TUBGCP2: variants seen among roughly 807,000 people sequenced by gnomAD.
TUBGCP2 encodes gamma-tubulin complex component 2.
Under a neutral mutation model 92.2 loss-of-function variants are expected in TUBGCP2, and 55 were observed. The ratio of observed to expected loss-of-function variants is 0.60; its 90% CI spans 0.48 to 0.75. The LOEUF is 0.75. Among genes scored for constraint, TUBGCP2 ranks in the 30% least tolerant of loss-of-function variants. The pLI, the probability that TUBGCP2 is intolerant of heterozygous loss-of-function variation, is 0.00. For synonymous variants in TUBGCP2, 533 were observed against 505.2 expected (o/e 1.06, Z -0.74); for missense variants, 1,093 against 1,188.9 (o/e 0.92, Z 1.19).
chr10:133,311,670 C>T (rs1341072321), upstream of TUBGCP2: 4 of 1,505,632 alleles, frequency 2.7e-6, no homozygotes, highest in Non-Finnish European at 3.7e-6. Flanking sequence ...AACACAGGGG[C>T]TGTGGGAGCC....
Position 133,300,133 on chromosome 10 carries a change from G to A in TUBGCP2, c.151-20C>T, listed in dbSNP as rs756158281. The A allele has an allele frequency of 2.5e-6, 4 of 1,606,748 alleles. No homozygotes were observed. Among genetic ancestry groups the A allele is most frequent in the Non-Finnish European group, 3.4e-6 (4 of 1,176,036 alleles). On this transcript the variant is annotated intron_variant, in intron 2 of 17. Coordinates refer to ENST00000252936, the MANE Select transcript of TUBGCP2 (RefSeq NM_006659.4). ...TTTAACCTCAAAAGCACAAACATGA[G>A]TGATTTAATGACGGTAATTAATAAA...
At chr10:133,300,993 GC>G (rs1245853867) in intron 2 of TUBGCP2, among the ~76,000 whole-genome samples, 3 of 152,228 alleles carry the variant, frequency 2.0e-5, no homozygotes, top group African/African-American at 4.8e-5. Flanking sequence ...CTGGAGAGTA[GC>G]GACTTACCTT....
At chr10:133,297,769 G>C (rs1847523944) in intron 5 of TUBGCP2, among the ~76,000 whole-genome samples, 183 bp downstream of exon 5, 1 of 152,270 alleles carries the variant, frequency 6.6e-6, no homozygotes, top group Non-Finnish European at 1.5e-5. Flanking sequence ...GGAATATGGA[G>C]GCGGCAGCCA....
intron 2 of TUBGCP2, 27 bp downstream of exon 2, chr10:133,302,765 C>A: frequency 6.2e-7 from 1 of 1,611,710 alleles, no homozygotes; most frequent in Non-Finnish European, 8.5e-7. Flanking sequence ...TCACCCTGCA[C>A]AGCGCTACAC....
At chr10:133,311,027 C>T (rs1436489460), upstream of TUBGCP2, among the ~76,000 whole-genome samples, 1 of 152,196 alleles carries the variant, frequency 6.6e-6, no homozygotes, top group Admixed American at 6.5e-5. Flanking sequence ...GTCGTGAACT[C>T]CTGGGCTCAA....
chr10:133,297,828 C>T, intron 5 of TUBGCP2, 124 bp downstream of exon 5: 2 of 1,436,492 alleles, frequency 1.4e-6, no homozygotes, highest in Non-Finnish European at 1.9e-6. Flanking sequence ...CGGGGGAGGG[C>T]TGGGCCTGCA....
rs906993975 is a variant in TUBGCP2 at position 133,308,846 on chromosome 10, C to T, written c.-63G>A. 112 of 1,079,744 alleles carry T rather than the reference C, an allele frequency of 1.0e-4. No individual in the cohort carries two copies. The highest frequency in any genetic ancestry group is 2.3e-6 in the Non-Finnish European group (2 of 860,470). The allele number at this position is 1,079,744 out of a possible 1,614,324, so 66.9% of individuals were successfully genotyped here. A position where few individuals can be genotyped will look rare whatever the true frequency, so the allele number is the denominator to read the frequency against. ...ACCGCAGTCCCGGAGCCACAGCCCC[C>T]GCGCAGCCCCCGACGGCGGCGGAAG... On this transcript the variant is annotated 5_prime_UTR_variant, in exon 1 of 18. Transcript: ENST00000252936.
chr10:133,290,170 C>T, intron 8 of TUBGCP2: 1 of 679,570 alleles, frequency 1.5e-6, no homozygotes, highest in Admixed American at 3.0e-5. Context: ...CACGGTGGCT[C>T]ACGCCTGTAA....
rs1219702392 is a variant in TUBGCP2 at position 133,285,927 on chromosome 10, C to T, written c.1723-299G>A. Among the ~76,000 whole-genome samples, 1 of 152,074 alleles carries T rather than the reference C, an allele frequency of 6.6e-6. No individual in the cohort carries two copies. The highest frequency in any genetic ancestry group is 1.5e-5 in the Non-Finnish European group (1 of 68,018). ...TAAGGACGGTGAAAGAAACGTGATT[C>T]CTTAGGACGAAAACCTTTGTACCAT... On this transcript the variant is annotated intron_variant, in intron 11 of 17. Coordinates refer to ENST00000252936, the MANE Select transcript of TUBGCP2 (RefSeq NM_006659.4). This position sits in a 1 kb window ranked among gnomAD's most constrained non-coding sequence, Gnocchi z 6.8.
chr10:133,297,036 G>C (rs577098541), intron 5 of TUBGCP2, among the ~76,000 whole-genome samples: 1 of 152,308 alleles, frequency 6.6e-6, no homozygotes, highest in South Asian at 2.1e-4. Flanking sequence ...TCTTGAGTTT[G>C]GACTAACGGG....
At chr10:133,311,875 C>G (rs1847997280), upstream of TUBGCP2, 2 of 1,613,270 alleles carry the variant, frequency 1.2e-6, no homozygotes, top group Non-Finnish European at 1.7e-6. Flanking sequence ...AACCCGTTCT[C>G]AACATGTGTT....
rs764861865 is a variant in TUBGCP2, at chr10:133,281,286, T to C, written c.2560A>G (p.Ser854Gly). ...STSDCEHGMASVISRLDFNGF... is the reference protein window; with the variant it reads ...STSDCEHGMAGVISRLDFNGF... ...GCGCCCACCCACCTGGAGATGACGC[T>C]GGCCATGCCGTGCTCACAGTCACTG... The change falls in exon 17 of 18, where the codon AGC becomes GGC. Residue 854 changes from serine (S) to glycine (G), a missense_variant. Ser to Gly is a moderately conservative substitution (Grantham distance 56). This residue lies in a region of TUBGCP2 where 598 missense variants were observed against 675.5 expected (regional missense o/e 0.89). Transcript: ENST00000252936. The C allele has an allele frequency of 1.2e-6, 2 of 1,611,536 alleles. No homozygotes were observed. The highest frequency in any genetic ancestry group is 2.2e-5 in the South Asian group (2 of 91,026).
intron 5 of TUBGCP2, among the ~76,000 whole-genome samples, chr10:133,296,579 G>A (rs562590517): frequency 6.6e-6 from 1 of 152,130 alleles, no homozygotes; most frequent in South Asian, 2.1e-4. Flanking sequence ...TCAGGCTCAA[G>A]TGATCCTCCC....
intron 1 of TUBGCP2, among the ~76,000 whole-genome samples, chr10:133,305,466 G>A (rs1359078000): frequency 1.3e-5 from 2 of 152,004 alleles, no homozygotes; most frequent in Non-Finnish European, 1.5e-5. Context: ...CGGTCTCTGC[G>A]TCTTGGTGGT....
At chr10:133,282,146 C>G in intron 16 of TUBGCP2, 77 bp downstream of exon 16, 1 of 1,600,938 alleles carries the variant, frequency 6.2e-7, no homozygotes, top group African/African-American at 1.3e-5. Flanking sequence ...GGTTTGTTCT[C>G]CCTGCGTCAG....
At position 133,305,966 on chromosome 10, in the gene TUBGCP2, G is replaced by T. The variant is rs1194552620; in HGVS notation, c.-40+2857C>A. Among the ~76,000 whole-genome samples, 6 of 152,364 alleles carry T rather than the reference G, an allele frequency of 3.9e-5. No homozygotes were observed. In the South Asian group the frequency reaches 8.3e-4, roughly 21 times the overall value. On this transcript the variant is annotated intron_variant, in intron 1 of 17. Transcript: ENST00000252936. ...TCCTCTCCAAGCTTCTTCTGAAAAG[G>T]GGAAGCCCTAGGTCCTGCGTAGAGC...
chr10:133,302,199 AAC>A (rs1847678570), intron 2 of TUBGCP2: 2 of 161,504 alleles, frequency 1.2e-5, no homozygotes, highest in South Asian at 1.6e-4. Context: ...ATCAGAGCTG[AAC>A]ACACACACAG....
upstream of TUBGCP2, chr10:133,310,280 AAGC>A (rs1267210384): frequency 3.1e-6 from 5 of 1,613,824 alleles, no homozygotes; most frequent in Non-Finnish European, 4.2e-6. Flanking sequence ...AGCCAAAGAA[AAGC>A]AGAAGGTAGG....
rs202083524 is a variant in TUBGCP2 at position 133,281,252 on chromosome 10, G to A, written c.2573+21C>T. On this transcript the variant is annotated intron_variant, in intron 17 of 17. Coordinates refer to ENST00000252936, the MANE Select transcript of TUBGCP2 (RefSeq NM_006659.4). ...CTGGACTGAGCTGAGGAAGGGCTGAGCCGGGGTGGCGCCCACCCACCTGGA... is the reference window on the plus strand; with the variant it reads ...CTGGACTGAGCTGAGGAAGGGCTGAACCGGGGTGGCGCCCACCCACCTGGA... 77 of 1,606,304 alleles carry A rather than the reference G, an allele frequency of 4.8e-5. No individual in the cohort carries two copies. The African/African-American group carries it at 1.0e-3, about 21-fold the overall frequency.
Sources: gnomAD v4.1 joint callset for allele counts (sites outside exome capture counted in the v4.1 genomes callset) on GRCh38, gnomAD v4.1.1 for gene constraint, gnomAD v4.1.1 regional missense constraint, Gnocchi (gnomAD v3.1) non-coding constraint, MANE v1.5 for transcripts, NCBI Gene and HGNC (gene_info 2026-07-23, HGNC 2026-07-21) for gene names.